SMS: variants seen among roughly 807,000 people sequenced by gnomAD.
SMS encodes the protein spermidine aminopropyltransferase.
A neutral mutation model predicts 33.0 loss-of-function variants in SMS; 3 were observed. The observed-to-expected ratio is 0.09, with a 90% CI of 0.04 to 0.23. The LOEUF is 0.23. Among genes scored for constraint, SMS ranks in the 10% least tolerant of loss-of-function variants. The pLI is 1.00. For synonymous variants in SMS, 103 were observed against 112.2 expected, an observed-to-expected ratio of 0.92 and a Z score of 0.52; for missense variants, 117 against 288.6, an observed-to-expected ratio of 0.41 and a Z score of 4.31.
chrX:21,966,514 C>T (rs62591196), intron 1 of SMS, among the ~76,000 whole-genome samples: 5,828 of 111,066 alleles, frequency 0.052, 159 homozygotes, highest in Non-Finnish European at 0.084. Flanking sequence ...GGGAGTAGGA[C>T]ACTGGGCAGG....
intron 5 of SMS, among the ~76,000 whole-genome samples, chrX:21,977,569 G>A (rs767230386): frequency 1.8e-5 from 2 of 111,707 alleles, no homozygotes; most frequent in South Asian, 3.7e-4. Context: ...ACTTACCATC[G>A]AGTGTGAACA....
intron 1 of SMS, among the ~76,000 whole-genome samples, chrX:21,960,222 C>T (rs1879774394): frequency 9.1e-6 from 1 of 110,443 alleles, no homozygotes; most frequent in South Asian, 3.9e-4. Flanking sequence ...CCCTTGGAGC[C>T]AGTTCTGGGA....
chrX:21,957,266 A>C (rs1287784408), intron 1 of SMS, among the ~76,000 whole-genome samples: 1 of 109,855 alleles, frequency 9.1e-6, no homozygotes, highest in Non-Finnish European at 1.9e-5. Context: ...TGGATTAATA[A>C]TCTGAGAATG....
intron 9 of SMS, among the ~76,000 whole-genome samples, chrX:21,988,475 C>G (rs1048542028): frequency 9.2e-6 from 1 of 108,875 alleles, no homozygotes; most frequent in African/African-American, 3.3e-5. Flanking sequence ...ATCATCCTGG[C>G]TAACGTGGTG....
At chrX:21,944,544 A>AAAAAAGAAAAG (rs1555992699) in intron 1 of SMS, among the ~76,000 whole-genome samples, 3 of 99,058 alleles carry the variant, frequency 3.0e-5, no homozygotes, top group East Asian at 6.7e-4. Context: ...AAAAAAAAAA[A>AAAAAAGAAAAG]AGAAAAAAAA....
rs750441755 is a variant in SMS at position 21,966,902 on chromosome X, T to C, written c.50-294T>C. Among the ~76,000 whole-genome samples, 9 of 110,880 alleles carry C rather than the reference T, an allele frequency of 8.1e-5. No homozygotes were observed. The South Asian group carries it at 3.4e-3, about 42-fold the overall frequency. Reference sequence around the variant, plus strand: ...TGTCTCTAGGCTGAATATGTCTACATCCTTGGCGCAGCTATTTGTGGTCGG... The same window carrying C: ...TGTCTCTAGGCTGAATATGTCTACACCCTTGGCGCAGCTATTTGTGGTCGG... On this transcript the variant is annotated intron_variant, in intron 1 of 10. Transcript: ENST00000404933.
At chrX:21,985,460 T>G (rs1230626617) in intron 9 of SMS, among the ~76,000 whole-genome samples, 7 of 111,497 alleles carry the variant, frequency 6.3e-5, no homozygotes. Context: ...ACAGACTGAT[T>G]TTCTTTTTTC....
chrX:21,942,752 G>A (rs1428519324), intron 1 of SMS, among the ~76,000 whole-genome samples: 1 of 110,075 alleles, frequency 9.1e-6, no homozygotes, highest in Non-Finnish European at 1.9e-5. Context: ...GCTAGTAAGG[G>A]GTGAGTCTGG....
At position 21,978,005 on chromosome X, in the gene SMS, G is replaced by A. The variant is rs1924644847; in HGVS notation, c.551G>A (p.Ser184Asn). Residue 184 changes from serine to asparagine, a missense_variant, in exon 6 of 11, where the codon AGT becomes AAT. Ser to Asn is a conservative substitution (Grantham distance 46, BLOSUM62 1). Transcript: ENST00000404933. ...DLAYTRAIMG[S>N]GKEDYTGKDV... The stretch of plus-strand genomic sequence containing the variant: ...GCATATACCCGGGCCATCATGGGCA[G>A]TGGCAAAGAAGATTACACTGGCAAA... 3 of 1,209,540 alleles carry A rather than the reference G, an allele frequency of 2.5e-6. No homozygotes were observed. The highest frequency in any genetic ancestry group is 3.4e-6 in the Non-Finnish European group (3 of 893,428).
chrX:21,968,426 A>T (rs1369145611), intron 2 of SMS, among the ~76,000 whole-genome samples: 1 of 112,222 alleles, frequency 8.9e-6, no homozygotes, highest in Non-Finnish European at 1.9e-5. Context: ...TGTGGCCAGG[A>T]CCAAGAACCC....
chrX:21,971,456 A>G (rs1924152427), intron 2 of SMS, among the ~76,000 whole-genome samples: 1 of 111,790 alleles, frequency 8.9e-6, no homozygotes, highest in Non-Finnish European at 1.9e-5. Flanking sequence ...CAGAGTGCCT[A>G]CTAAATTAAT....
intron 1 of SMS, among the ~76,000 whole-genome samples, chrX:21,942,434 C>T (rs1209170215): frequency 9.0e-6 from 1 of 111,567 alleles, no homozygotes; most frequent in East Asian, 2.8e-4. Context: ...AAAGTGTACA[C>T]CTCTTCGGGC....
intron 1 of SMS, among the ~76,000 whole-genome samples, chrX:21,954,589 C>T (rs183908681): frequency 1.3e-3 from 140 of 111,878 alleles, no homozygotes; most frequent in African/African-American, 4.4e-3. Context: ...TTGTCCAGCA[C>T]CTCCTAGGTG....
chrX:21,952,405 CGTT>C (rs869031268), intron 1 of SMS, among the ~76,000 whole-genome samples: 1 of 77,600 alleles, frequency 1.3e-5, no homozygotes, highest in Non-Finnish European at 2.2e-5. Flanking sequence ...TGGTGGATCA[CGTT>C]GTTTGTTTGT....
chrX:21,941,088 G>T (rs1361632827), intron 1 of SMS: 1 of 109,912 alleles, frequency 9.1e-6, no homozygotes, highest in Non-Finnish European at 1.9e-5. Flanking sequence ...TCCGCGCTCC[G>T]TCCCGGCCGC....
intron 1 of SMS, among the ~76,000 whole-genome samples, chrX:21,965,349 T>A (rs1306796719): frequency 9.0e-6 from 1 of 110,957 alleles, no homozygotes; most frequent in East Asian, 2.8e-4. Flanking sequence ...AAAAAGTCTG[T>A]GCAGGGACTG....
At chrX:21,970,242 G>A (rs1373131954) in intron 2 of SMS, among the ~76,000 whole-genome samples, 1 of 111,977 alleles carries the variant, frequency 8.9e-6, no homozygotes, top group South Asian at 3.7e-4. Flanking sequence ...AAGGACCTGA[G>A]CCACCTTTTA....
intron 1 of SMS, among the ~76,000 whole-genome samples, chrX:21,956,846 G>A (rs1923007443): frequency 8.9e-6 from 1 of 112,445 alleles, no homozygotes; most frequent in South Asian, 3.6e-4. Flanking sequence ...CTCCCAAAAT[G>A]CTGGGAGTAC....
intron 9 of SMS, 134 bp from the exon 10 acceptor site, chrX:21,992,463 A>G (rs1261897555): frequency 4.0e-6 from 2 of 497,392 alleles, no homozygotes; most frequent in South Asian, 2.8e-5. Flanking sequence ...GTGAAAATAC[A>G]GAAGCCTTAT....
Sources: allele counts gnomAD v4.1 joint callset (sites outside exome capture counted in the v4.1 genomes callset), GRCh38; gene constraint gnomAD v4.1.1; transcripts MANE v1.5; gene names NCBI Gene and HGNC (gene_info 2026-07-23, HGNC 2026-07-21).